Variants in RAB3IP observed in about 807,000 individuals in gnomAD.
RAB3IP encodes rab-3A-interacting protein.
In RAB3IP, 36 loss-of-function variants were observed where a neutral mutation model predicts 59.1. The ratio of observed to expected loss-of-function variants is 0.61; its 90% CI spans 0.47 to 0.80. The LOEUF (loss-of-function observed/expected upper bound fraction) is 0.80, where lower values mean the gene tolerates loss of function less well. RAB3IP is among the 30% of genes least tolerant of loss of function. The probability of loss-of-function intolerance (pLI) is 0.00; values close to 1 mark genes in which losing one functional copy is unlikely to be tolerated. For synonymous variants in RAB3IP, 207 were observed against 191.2 expected (o/e 1.08, Z -0.68); for missense variants, 511 against 536.0 (o/e 0.95, Z 0.46).
intron 6 of RAB3IP, among the ~76,000 whole-genome samples, chr12:69,797,371 C>G (rs141821672): frequency 1.3e-5 from 2 of 151,858 alleles, no homozygotes; most frequent in Non-Finnish European, 2.9e-5. Flanking sequence ...TGGTTCCTGG[C>G]AGAGTCAGCT....
intron 3 of RAB3IP, among the ~76,000 whole-genome samples, chr12:69,784,434 C>T (rs142658886): frequency 6.7e-6 from 1 of 149,574 alleles, no homozygotes; most frequent in East Asian, 1.9e-4. Flanking sequence ...TTATTTTCAC[C>T]TGTAATATAT....
chr12:69,745,778 A>G (rs976094097), intron 1 of RAB3IP, among the ~76,000 whole-genome samples: 4 of 152,122 alleles, frequency 2.6e-5, no homozygotes, highest in African/African-American at 7.2e-5. Flanking sequence ...CACTTCTTAG[A>G]GATCCTTTGC....
intron 3 of RAB3IP, among the ~76,000 whole-genome samples, chr12:69,773,199 T>G (rs1485590875): frequency 6.6e-6 from 1 of 152,078 alleles, no homozygotes; most frequent in Non-Finnish European, 1.5e-5. Context: ...AACTTGCTTC[T>G]TTTCTCTTGC....
In RAB3IP at chr12:69,792,667, CT is replaced by C. The variant is rs145970456; in HGVS notation, c.607-1769del. Reference sequence around the variant, plus strand: ...ATTCTGCATGTCATCTTTTTAGCAACTGATCCTGCCCCAGTCTAGTGCTCAT... The same window carrying C: ...ATTCTGCATGTCATCTTTTTAGCAACGATCCTGCCCCAGTCTAGTGCTCAT... On this transcript the variant is annotated intron_variant, in intron 4 of 10. Transcript: ENST00000247833. 3.2e-3 allele frequency among the ~76,000 whole-genome samples: 492 copies of C among 152,292 alleles called. 5 individuals are homozygous for C. The highest frequency in any genetic ancestry group is 0.011 in the African/African-American group (441 of 41,564).
chr12:69,740,965 G>C (rs1419486921), intron 1 of RAB3IP, among the ~76,000 whole-genome samples: 1 of 152,192 alleles, frequency 6.6e-6, no homozygotes, highest in Non-Finnish European at 1.5e-5. Flanking sequence ...ATCACTTACT[G>C]TGCATAAAAC....
chr12:69,766,459 A>G (rs1042203585), intron 3 of RAB3IP, among the ~76,000 whole-genome samples: 6 of 151,590 alleles, frequency 4.0e-5, no homozygotes, highest in African/African-American at 1.2e-4. Context: ...AAAGCTTTCA[A>G]TTGTATTTTC....
intron 2 of RAB3IP, 24 bp downstream of exon 2, chr12:69,755,683 T>C (rs560665615): frequency 3.8e-6 from 6 of 1,569,762 alleles, no homozygotes; most frequent in East Asian, 4.5e-5. Context: ...AAATCACTTA[T>C]TTGATTTTTT....
chr12:69,814,463 A>G (rs1440686649), intron 10 of RAB3IP, among the ~76,000 whole-genome samples: 2 of 152,136 alleles, frequency 1.3e-5, no homozygotes, highest in Non-Finnish European at 2.9e-5. Flanking sequence ...AGCTAAATCT[A>G]AAGCAGAATT....
chr12:69,779,631 G>A (rs1315858974), intron 3 of RAB3IP, among the ~76,000 whole-genome samples: 1 of 146,100 alleles, frequency 6.8e-6, no homozygotes. Context: ...TAATTCTGTT[G>A]TTGAAGCTCT....
Position 69,780,515 on chromosome 12 carries a change from CTG to C in RAB3IP, c.511-4203_511-4202del, listed in dbSNP as rs1158490738. On this transcript the variant is annotated intron_variant, in intron 3 of 10. Coordinates refer to ENST00000247833, the MANE Select transcript of RAB3IP (RefSeq NM_022456.5). The stretch of plus-strand genomic sequence containing the variant: ...CTGCACAGGTGGGGCATTTCCCTGA[CTG>C]TAGTGAGAGAGGCTAGAGTAGAGAG... Among the ~76,000 whole-genome samples the C allele has an allele frequency of 2.1e-4, 32 of 152,344 alleles. 1 individual carries two copies. The highest frequency in any genetic ancestry group is 6.2e-4 in the South Asian group (3 of 4,830).
intron 3 of RAB3IP, among the ~76,000 whole-genome samples, chr12:69,781,626 T>A (rs1874726975): frequency 6.6e-6 from 1 of 152,206 alleles, no homozygotes; most frequent in African/African-American, 2.4e-5. Flanking sequence ...AATCATATAG[T>A]GTGTAGCCTT....
intron 1 of RAB3IP, among the ~76,000 whole-genome samples, chr12:69,747,331 T>TGTGTGTGTGAGA (rs1165639333): frequency 1.5e-4 from 13 of 85,904 alleles, no homozygotes; most frequent in African/African-American, 4.5e-4. Context: ...TGTGTGTGTG[T>TGTGTGTGTGAGA]GAGAGAGAGA....
chr12:69,747,993 T>C (rs1339034951), intron 1 of RAB3IP, among the ~76,000 whole-genome samples: 2 of 152,138 alleles, frequency 1.3e-5, no homozygotes, highest in African/African-American at 4.8e-5. Flanking sequence ...TGAGGAATTT[T>C]AGTAAACATA....
At chr12:69,745,905 C>G (rs1179706024) in intron 1 of RAB3IP, among the ~76,000 whole-genome samples, 1 of 152,164 alleles carries the variant, frequency 6.6e-6, no homozygotes, top group African/African-American at 2.4e-5. Context: ...TGAATACTAG[C>G]TCTGTTACTT....
intron 4 of RAB3IP, among the ~76,000 whole-genome samples, chr12:69,789,741 C>T (rs1442584122): frequency 6.6e-6 from 1 of 152,094 alleles, no homozygotes; most frequent in African/African-American, 2.4e-5. Context: ...ACACTGTGAT[C>T]AAATGGGATT....
At chr12:69,810,527 A>G (rs1880274554) in intron 8 of RAB3IP, among the ~76,000 whole-genome samples, 1 of 152,238 alleles carries the variant, frequency 6.6e-6, no homozygotes, top group Admixed American at 6.5e-5. Context: ...CCCTCCAGAA[A>G]TAAAAACTGG....
rs1281538770 is a variant in RAB3IP at position 69,816,175 on chromosome 12, A to G, written c.*729A>G. 6.6e-6 allele frequency: 1 copy of G among 152,204 alleles called. No homozygotes were observed. The highest frequency in any genetic ancestry group is 6.5e-5 in the Admixed American group (1 of 15,276). The allele number at this position is 152,204 out of a possible 1,614,324, so 9.4% of individuals were successfully genotyped here. Reference sequence around the variant, plus strand: ...ATGTAAATGAGTTTGACGTGTGTCAAAGGGGTTTAAAGGGGTGTGGATTGA... The same window carrying G: ...ATGTAAATGAGTTTGACGTGTGTCAGAGGGGTTTAAAGGGGTGTGGATTGA... On this transcript the variant is annotated 3_prime_UTR_variant, in exon 11 of 11. Transcript: ENST00000247833.
Position 69,819,865 on chromosome 12 carries a change from C to A in RAB3IP, c.*4419C>A, listed in dbSNP as rs1033354317. ...TGGGAAGGTTAGTTAGGTGGCCACT[C>A]CTCTCTCTTCATGGTCTCTCTCAGC... On this transcript the variant is annotated 3_prime_UTR_variant, in exon 11 of 11. Transcript: ENST00000247833. 1.3e-5 allele frequency: 2 copies of A among 152,126 alleles called. No homozygotes were observed. The highest frequency in any genetic ancestry group is 4.8e-5 in the African/African-American group (2 of 41,422). The allele number at this position is 152,126 out of a possible 1,614,324, so 9.4% of individuals were successfully genotyped here.
intron 1 of RAB3IP, among the ~76,000 whole-genome samples, chr12:69,747,125 G>A (rs1157119342): frequency 6.6e-6 from 1 of 152,130 alleles, no homozygotes; most frequent in Non-Finnish European, 1.5e-5. Context: ...GATAGTGCTT[G>A]TGCTGATACA....
Sources: gnomAD v4.1 joint callset for allele counts (sites outside exome capture counted in the v4.1 genomes callset) on GRCh38, gnomAD v4.1.1 for gene constraint, MANE v1.5 for transcripts, NCBI Gene and HGNC (gene_info 2026-07-23, HGNC 2026-07-21) for gene names.